Variants in CNST observed in about 807,000 individuals in gnomAD.
CNST encodes the protein consortin, connexin sorting protein, also known as consortin.
In CNST, 39 loss-of-function variants were observed where a neutral mutation model predicts 72.4. The observed-to-expected ratio is 0.54, with a 90% CI of 0.42 to 0.70. CNST has a LOEUF of 0.70. CNST is among the 30% of genes least tolerant of loss of function. CNST has a pLI of 0.00. For missense variants in CNST, 871 were observed against 868.5 expected, an observed-to-expected ratio of 1.00 and a Z score of -0.04; for synonymous variants, 332 against 320.1, an observed-to-expected ratio of 1.04 and a Z score of -0.40.
At chr1:246,652,868 G>A (rs976538088) in intron 9 of CNST, among the ~76,000 whole-genome samples, 11 of 150,996 alleles carry the variant, frequency 7.3e-5, no homozygotes, top group Non-Finnish European at 1.6e-4. Flanking sequence ...GCCGGGCGTG[G>A]TGGCGGGCGC....
chr1:246,591,608 C>G lies in CNST; in HGVS notation c.46C>G (p.Gln16Glu). Reference sequence around the variant, plus strand: ...TACATATTATCTGCAAATAGAACCACAAGATGGATGTCATCCTGGTGACAG... The same window carrying G: ...TACATATTATCTGCAAATAGAACCAGAAGATGGATGTCATCCTGGTGACAG... ...TPTYYLQIEP[Q>E]DGCHPGDSVE... is the part of the protein sequence containing the mutation. The change falls in exon 2 of 11, where the codon CAA (glutamine) becomes GAA (glutamate). Residue 16 changes from glutamine (Q) to glutamate (E), a missense_variant. Physicochemically the swap from Gln to Glu is conservative, Grantham distance 29. Coordinates refer to ENST00000366513, the MANE Select transcript of CNST (RefSeq NM_152609.3). 1 of 1,614,110 alleles carries G rather than the reference C, an allele frequency of 6.2e-7. No homozygotes were observed. The highest frequency in any genetic ancestry group is 2.2e-5 in the East Asian group (1 of 44,878).
intron 8 of CNST, 22 bp from the exon 9 acceptor site, chr1:246,647,117 A>G: frequency 1.3e-6 from 2 of 1,582,136 alleles, no homozygotes; most frequent in African/African-American, 1.4e-5. Context: ...ATTTTTAACA[A>G]TTTATTTTTC....
chr1:246,665,393 T>A (rs1240250197), intron 10 of CNST, among the ~76,000 whole-genome samples: 1 of 152,212 alleles, frequency 6.6e-6, no homozygotes, highest in Non-Finnish European at 1.5e-5. Flanking sequence ...CAAAAATGAA[T>A]GAATTCATTA....
chr1:246,645,674 G>A (rs1438192175), intron 8 of CNST, among the ~76,000 whole-genome samples: 2 of 151,768 alleles, frequency 1.3e-5, no homozygotes, highest in African/African-American at 4.8e-5. Flanking sequence ...TGATCCATCC[G>A]CCTCGGCCTC....
intron 2 of CNST, chr1:246,606,441 C>A (rs7533379): frequency 6.6e-6 from 1 of 151,882 alleles, no homozygotes; most frequent in African/African-American, 2.4e-5. Context: ...AGCAATTGGA[C>A]ATGTTAAACT....
intron 1 of CNST, among the ~76,000 whole-genome samples, chr1:246,573,588 G>C (rs1660196163): frequency 6.6e-6 from 1 of 152,020 alleles, no homozygotes; most frequent in Non-Finnish European, 1.5e-5. Flanking sequence ...GGAAAACCTA[G>C]GGATTGCCCG....
At chr1:246,663,571 T>C (rs1667229839) in intron 10 of CNST, among the ~76,000 whole-genome samples, 1 of 151,992 alleles carries the variant, frequency 6.6e-6, no homozygotes, top group Admixed American at 6.6e-5. Context: ...TGAAACCCCA[T>C]CTCTATAACA....
At chr1:246,574,634 T>G (rs1326904988) in intron 1 of CNST, among the ~76,000 whole-genome samples, 1 of 152,018 alleles carries the variant, frequency 6.6e-6, no homozygotes. Flanking sequence ...TTGCCCCAGC[T>G]GGTCTAGAAC....
rs141266090 is a variant in CNST at position 246,567,496 on chromosome 1, G to A, written c.-52+833G>A. Among the ~76,000 whole-genome samples, 221 of 152,256 alleles carry A rather than the reference G, an allele frequency of 1.5e-3. 1 individual carries two copies. Among genetic ancestry groups the A allele is most frequent in the African/African-American group, 5.1e-3 (212 of 41,548 alleles). On this transcript the variant is annotated intron_variant, in intron 1 of 10. Coordinates refer to ENST00000366513, the MANE Select transcript of CNST (RefSeq NM_152609.3). ...GGCAGCCAATCAACTCCGTGTCTTA[G>A]AATACGTACAATCCTTTCTGCTTAC...
intron 1 of CNST, chr1:246,570,020 C>T: frequency 2.1e-6 from 1 of 483,606 alleles, no homozygotes; most frequent in Non-Finnish European, 2.7e-6. Context: ...AAATGTGCTT[C>T]TTTATATCAT....
chr1:246,665,076 A>G (rs1667333099), intron 10 of CNST, among the ~76,000 whole-genome samples: 1 of 152,156 alleles, frequency 6.6e-6, no homozygotes, highest in Non-Finnish European at 1.5e-5. Context: ...AGACTGTCAA[A>G]TAATGCTGTC....
intron 9 of CNST, among the ~76,000 whole-genome samples, chr1:246,657,709 G>T (rs1666846344): frequency 6.6e-6 from 1 of 152,190 alleles, no homozygotes; most frequent in Admixed American, 6.5e-5. Context: ...CCCTGGTTGA[G>T]GCTGAGCAGG....
chr1:246,616,450 C>T (rs1391744146), intron 2 of CNST, among the ~76,000 whole-genome samples: 4 of 152,094 alleles, frequency 2.6e-5, no homozygotes, highest in Admixed American at 2.0e-4. Flanking sequence ...TCCAGCTACT[C>T]GGGACACTGA....
In CNST at chr1:246,571,039, CAG is replaced by C. The variant is rs1185010916; in HGVS notation, c.-52+4377_-52+4378del. 2.0e-5 allele frequency among the ~76,000 whole-genome samples: 3 copies of C among 152,246 alleles called. No homozygotes were observed. In the East Asian group the frequency reaches 5.8e-4, roughly 29 times the overall value. ...TCATGGGGGAAATTATATATCCTCT[CAG>C]GGAATAATTTTGTTTTTTAAGCATT... On this transcript the variant is annotated intron_variant, in intron 1 of 10. Coordinates refer to ENST00000366513, the MANE Select transcript of CNST (RefSeq NM_152609.3).
chr1:246,605,314 A>C (rs1051638367), intron 2 of CNST, among the ~76,000 whole-genome samples: 9 of 152,228 alleles, frequency 5.9e-5, no homozygotes, highest in Non-Finnish European at 1.2e-4. Context: ...GGTGACTCAC[A>C]CTTATAATCC....
At chr1:246,640,305 G>C (rs1252105966) in intron 6 of CNST, among the ~76,000 whole-genome samples, 1 of 152,182 alleles carries the variant, frequency 6.6e-6, no homozygotes, top group Non-Finnish European at 1.5e-5. Context: ...TAATGTTTAT[G>C]TGTTGTAGTA....
Position 246,642,228 on chromosome 1 carries a change from C to T in CNST, c.937+191C>T, listed in dbSNP as rs992106093. On this transcript the variant is annotated intron_variant, in intron 8 of 10. Coordinates refer to ENST00000366513, the MANE Select transcript of CNST (RefSeq NM_152609.3). The stretch of plus-strand genomic sequence containing the variant: ...AGACTTTTTATATTGGGTAGCTCCA[C>T]ATTTTAGACATCTATTAGTAGATAC... Among the ~76,000 whole-genome samples, 3 of 146,908 alleles carry T rather than the reference C, an allele frequency of 2.0e-5. No homozygotes were observed. The Admixed American group carries it at 2.1e-4, about 10-fold the overall frequency.
At chr1:246,574,972 T>TTTTATTTATTTATTTATTTA (rs150720392) in intron 1 of CNST, among the ~76,000 whole-genome samples, 57 of 143,654 alleles carry the variant, frequency 4.0e-4, no homozygotes, top group East Asian at 8.1e-4. Context: ...TCCTCAAGTA[T>TTTTATTTATTTATTTATTTA]TTTATTTATT....
chr1:246,567,985 T>G (rs1479721750), intron 1 of CNST, among the ~76,000 whole-genome samples: 1 of 152,116 alleles, frequency 6.6e-6, no homozygotes, highest in East Asian at 1.9e-4. Context: ...AATGTGTCGT[T>G]GAATTTCTGA....
Sources: gnomAD v4.1 joint callset for allele counts (sites outside exome capture counted in the v4.1 genomes callset) on GRCh38, gnomAD v4.1.1 for gene constraint, MANE v1.5 for transcripts, NCBI Gene and HGNC (gene_info 2026-07-23, HGNC 2026-07-21) for gene names.